The following CDH4 variants were observed in gnomAD, a reference collection of about 807,000 sequenced individuals.
The protein encoded by CDH4 is cadherin 4.
Under a neutral mutation model 86.0 loss-of-function variants are expected in CDH4, and 33 were observed. The observed-to-expected ratio is 0.38, with a 90% CI of 0.29 to 0.51. CDH4 has a LOEUF of 0.51. CDH4 is among the 20% of genes least tolerant of loss of function. The probability of loss-of-function intolerance (pLI) is 0.86; values close to 1 mark genes in which losing one functional copy is unlikely to be tolerated. For missense variants in CDH4, 1,114 were observed against 1,307.4 expected (o/e 0.85, Z 2.28); for synonymous variants, 555 against 549.4 (o/e 1.01, Z -0.14).
intron 2 of CDH4, among the ~76,000 whole-genome samples, chr20:61,546,391 A>G (rs1043983312): frequency 6.7e-6 from 1 of 149,590 alleles, no homozygotes; most frequent in Non-Finnish European, 1.5e-5. Context: ...ATGTGTGCAC[A>G]CATGCATGTG....
chr20:61,706,916 G>A (rs961147274), intron 2 of CDH4, among the ~76,000 whole-genome samples: 5 of 152,236 alleles, frequency 3.3e-5, no homozygotes, highest in Admixed American at 2.6e-4. Context: ...GAAGAGAGGC[G>A]TCTGTGGCAC....
chr20:61,374,363 C>T (rs975750109), intron 2 of CDH4, among the ~76,000 whole-genome samples: 3 of 152,194 alleles, frequency 2.0e-5, no homozygotes, highest in African/African-American at 7.2e-5. Flanking sequence ...GGCACCCCAT[C>T]TTGGCAGCGT....
At position 61,677,416 on chromosome 20, in the gene CDH4, C is replaced by A. The variant is rs1358673281; in HGVS notation, c.170-66147C>A. On this transcript the variant is annotated intron_variant, in intron 2 of 15. Transcript: ENST00000614565. ...TGTGGGAGGGCCTTCCCTCCAGACTCCTGCCTCACAGCATGCAGTTCACTT... is the reference window on the plus strand; with the variant it reads ...TGTGGGAGGGCCTTCCCTCCAGACTACTGCCTCACAGCATGCAGTTCACTT... Among the ~76,000 whole-genome samples the A allele has an allele frequency of 2.0e-5, 3 of 152,226 alleles. 1 individual carries two copies. Among genetic ancestry groups the A allele is most frequent in the African/African-American group, 7.2e-5 (3 of 41,464 alleles).
At chr20:61,715,904 C>A (rs924892953) in intron 2 of CDH4, among the ~76,000 whole-genome samples, 1 of 152,216 alleles carries the variant, frequency 6.6e-6, no homozygotes, top group Admixed American at 6.5e-5. Context: ...AGAGCCCCTG[C>A]GATTGGGTGG....
chr20:61,389,282 C>G (rs1277424129), intron 2 of CDH4, among the ~76,000 whole-genome samples: 1 of 152,204 alleles, frequency 6.6e-6, no homozygotes, highest in Non-Finnish European at 1.5e-5. Flanking sequence ...GACCATGTGG[C>G]GGCCTGTCTC....
chr20:61,347,936 G>A (rs2084689270), intron 2 of CDH4, among the ~76,000 whole-genome samples: 1 of 152,178 alleles, frequency 6.6e-6, no homozygotes, highest in South Asian at 2.1e-4. Context: ...TCCTTAAAAT[G>A]AGGAACAGCC....
intron 7 of CDH4, among the ~76,000 whole-genome samples, chr20:61,891,172 G>A (rs1201506574): frequency 2.0e-5 from 3 of 152,146 alleles, no homozygotes; most frequent in African/African-American, 2.4e-5. Flanking sequence ...TTGGGGTAAC[G>A]AGGGAGGGGA....
intron 2 of CDH4, among the ~76,000 whole-genome samples, chr20:61,264,289 A>G (rs1335717311): frequency 6.6e-6 from 1 of 151,862 alleles, no homozygotes; most frequent in Non-Finnish European, 1.5e-5. Flanking sequence ...ATTCAGTCCT[A>G]CACATACCTC....
At chr20:61,613,129 C>T (rs1241591141) in intron 2 of CDH4, among the ~76,000 whole-genome samples, 2 of 152,072 alleles carry the variant, frequency 1.3e-5, no homozygotes, top group African/African-American at 2.4e-5. Context: ...CTCACCTCCA[C>T]AAGTTTCCTC....
At chr20:61,263,240 G>C (rs1360497544) in intron 2 of CDH4, among the ~76,000 whole-genome samples, 1 of 152,178 alleles carries the variant, frequency 6.6e-6, no homozygotes, top group Non-Finnish European at 1.5e-5. Context: ...TCGTCAAAAG[G>C]CTCAGAATTT....
rs983495531 is a variant in CDH4 at position 61,518,445 on chromosome 20, A to G, written c.170-225118A>G. 4.6e-5 allele frequency among the ~76,000 whole-genome samples: 7 copies of G among 152,044 alleles called. No homozygotes were observed. The highest frequency in any genetic ancestry group is 1.7e-4 in the African/African-American group (7 of 41,412). On this transcript the variant is annotated intron_variant, in intron 2 of 15. Coordinates refer to ENST00000614565, the MANE Select transcript of CDH4 (RefSeq NM_001794.5). The surrounding 1 kb of genome is among the most constrained non-coding windows in gnomAD (Gnocchi z 6.3). The stretch of plus-strand genomic sequence containing the variant: ...TCCATCTGTCATCCACTCATCATCC[A>G]TCATCCGTCATCCACCCATCGTCCA...
rs1179717118 is a variant in CDH4, at chr20:61,518,608, C to T, written c.170-224955C>T. ...TATCATCCATCCATCATCATCCACT[C>T]ATCCATCCATCCTTCATCCACCTAA... On this transcript the variant is annotated intron_variant, in intron 2 of 15. Coordinates refer to ENST00000614565, the MANE Select transcript of CDH4 (RefSeq NM_001794.5). This position sits in a 1 kb window ranked among gnomAD's most constrained non-coding sequence, Gnocchi z 6.3. Among the ~76,000 whole-genome samples the T allele has an allele frequency of 1.3e-5, 2 of 152,016 alleles. No individual in the cohort carries two copies. The highest frequency in any genetic ancestry group is 2.9e-5 in the Non-Finnish European group (2 of 67,988).
At chr20:61,667,800 AG>A (rs1360989781) in intron 2 of CDH4, among the ~76,000 whole-genome samples, 1 of 152,210 alleles carries the variant, frequency 6.6e-6, no homozygotes, top group Non-Finnish European at 1.5e-5. Context: ...CTGGACAAGC[AG>A]GCCAGGAAGA....
intron 2 of CDH4, among the ~76,000 whole-genome samples, chr20:61,337,354 GGT>G (rs2084624958): frequency 1.2e-3 from 1 of 864 alleles, no homozygotes; most frequent in East Asian, 0.036. Flanking sequence ...TGATAACAAT[GGT>G]GATGATGATG....
intron 2 of CDH4, among the ~76,000 whole-genome samples, chr20:61,725,267 G>A (rs1053219343): frequency 1.3e-5 from 2 of 152,192 alleles, no homozygotes; most frequent in African/African-American, 4.8e-5. Context: ...CCGCAGCGTA[G>A]GAAGGGCCTT....
In CDH4 at chr20:61,509,391, C is replaced by T. The variant is rs76384276; in HGVS notation, c.170-234172C>T. On this transcript the variant is annotated intron_variant, in intron 2 of 15. Transcript: ENST00000614565. ...CAAGGGCAACCATGATTTGGTGACT[C>T]CAGGAGGTGGGTGACTGTGAGCTGT... 6.5e-3 allele frequency among the ~76,000 whole-genome samples: 989 copies of T among 151,160 alleles called. 16 individuals carry two copies. Among genetic ancestry groups the T allele is most frequent in the African/African-American group, 0.022 (904 of 41,092 alleles).
intron 2 of CDH4, among the ~76,000 whole-genome samples, chr20:61,361,417 G>A (rs369138524): frequency 3.3e-5 from 5 of 152,310 alleles, no homozygotes; most frequent in East Asian, 3.9e-4. Flanking sequence ...GCAAGTTGAT[G>A]AGTATTTGTA....
chr20:61,261,499 T>C (rs1338401205), intron 2 of CDH4, among the ~76,000 whole-genome samples: 2 of 152,308 alleles, frequency 1.3e-5, no homozygotes, highest in South Asian at 4.2e-4. Context: ...CGATATCTCA[T>C]TTAACTTTCA....
rs566795154 is a variant in CDH4 at position 61,807,354 on chromosome 20, C to T, written c.576+34172C>T. ...GGTCTTTGGATCTCAGGAGAGTGGG[C>T]GGTGGGAGAGGATTCCCTGAGCTGT... On this transcript the variant is annotated intron_variant, in intron 4 of 15. Coordinates refer to ENST00000614565, the MANE Select transcript of CDH4 (RefSeq NM_001794.5). The surrounding 1 kb of genome is among the most constrained non-coding windows in gnomAD (Gnocchi z 4.5). Among the ~76,000 whole-genome samples the T allele has an allele frequency of 5.9e-5, 9 of 152,322 alleles. No individual in the cohort carries two copies. In the East Asian group the frequency reaches 1.4e-3, roughly 23 times the overall value.
Sources: gnomAD v4.1 joint callset for allele counts (sites outside exome capture counted in the v4.1 genomes callset) on GRCh38, gnomAD v4.1.1 for gene constraint, Gnocchi (gnomAD v3.1) non-coding constraint, MANE v1.5 for transcripts, NCBI Gene and HGNC (gene_info 2026-07-23, HGNC 2026-07-21) for gene names.